AGTPBP1: variants seen among roughly 807,000 people sequenced by gnomAD.
The protein encoded by AGTPBP1 is cytosolic carboxypeptidase 1.
Under a neutral mutation model 143.9 loss-of-function variants are expected in AGTPBP1, and 70 were observed. The observed-to-expected ratio is 0.49, with a 90% CI of 0.40 to 0.59. AGTPBP1 has a LOEUF of 0.59. Among genes scored for constraint, AGTPBP1 ranks in the 20% least tolerant of loss-of-function variants. AGTPBP1 has a pLI of 0.00. For synonymous variants in AGTPBP1, 463 were observed against 500.2 expected, an observed-to-expected ratio of 0.93 and a Z score of 0.99; for missense variants, 1,229 against 1,464.5, an observed-to-expected ratio of 0.84 and a Z score of 2.62.
At chr9:85,677,729 GC>G in intron 5 of AGTPBP1, 147 bp from the exon 6 acceptor site, 1 of 689,422 alleles carries the variant, frequency 1.5e-6, no homozygotes. Flanking sequence ...AAGGCTGGGC[GC>G]AGTAGCTCAC....
At chr9:85,769,274 G>A in the AGTPBP1 span, among the ~76,000 whole-genome samples, 10 of 152,040 alleles carry the variant, frequency 6.6e-5, no homozygotes, top group Admixed American at 1.3e-4. Flanking sequence ...GGAACTTATC[G>A]AGGTGGCCTC....
At chr9:85,650,022 A>G (rs1331062528) in intron 11 of AGTPBP1, among the ~76,000 whole-genome samples, 1 of 142,802 alleles carries the variant, frequency 7.0e-6, no homozygotes, top group Non-Finnish European at 1.5e-5. Flanking sequence ...TTTCAGCATC[A>G]TGCTAGCTTC....
intron 1 of AGTPBP1, among the ~76,000 whole-genome samples, chr9:85,728,913 G>A (rs922651025): frequency 1.5e-4 from 23 of 151,860 alleles, no homozygotes; most frequent in Admixed American, 6.6e-5. Flanking sequence ...TGGTATATTA[G>A]GTGCAAAAGT....
the AGTPBP1 span, among the ~76,000 whole-genome samples, chr9:85,789,664 C>T: frequency 6.6e-6 from 1 of 152,090 alleles, no homozygotes. Context: ...CTCAATTCTT[C>T]GTATCTTCAT....
At chr9:85,773,882 T>C in the AGTPBP1 span, 4 of 1,610,574 alleles carry the variant, frequency 2.5e-6, no homozygotes, top group African/African-American at 4.0e-5. Context: ...AATTATATAA[T>C]GAAGAAATGA....
In AGTPBP1 at chr9:85,728,030, T is replaced by TATATACAC. The variant is rs71505763; in HGVS notation, c.-34+13744_-34+13745insGTGTATAT. Among the ~76,000 whole-genome samples, 140 of 128,426 alleles carry TATATACAC rather than the reference T, an allele frequency of 1.1e-3. 2 individuals are homozygous for TATATACAC. The highest frequency in any genetic ancestry group is 3.9e-3 in the African/African-American group (134 of 34,774). 84.3% of individuals were successfully genotyped at this position (128,426 alleles called of 152,430 possible). A position where few individuals can be genotyped will look rare whatever the true frequency, so the allele number is the denominator to read the frequency against. On this transcript the variant is annotated intron_variant, in intron 1 of 25. Coordinates refer to ENST00000357081, the MANE Select transcript of AGTPBP1 (RefSeq NM_001330701.2). The stretch of plus-strand genomic sequence containing the variant: ...CCGTGTCTCAAAATATATATTTATA[T>TATATACAC]ACACACACACACACACACACACACA...
chr9:85,643,610 G>A lies in AGTPBP1; in HGVS notation c.1186-667C>T, dbSNP rs1433003392. ...GTCACCATTCACTCTGTTTTCAGTG[G>A]GGGAAAAAAGTCAGGAGTGGAACAA... On this transcript the variant is annotated intron_variant, in intron 12 of 25. Transcript: ENST00000357081. Among the ~76,000 whole-genome samples, 3 of 152,070 alleles carry A rather than the reference G, an allele frequency of 2.0e-5. No individual in the cohort carries two copies. The South Asian group carries it at 6.2e-4, about 32-fold the overall frequency.
At position 85,714,080 on chromosome 9, in the gene AGTPBP1, A is replaced by G. The variant is rs147539770; in HGVS notation, c.-33-1514T>C. 2.6e-3 allele frequency among the ~76,000 whole-genome samples: 403 copies of G among 152,358 alleles called. 2 individuals are homozygous for G. The highest frequency in any genetic ancestry group is 6.8e-3 in the African/African-American group (284 of 41,594). On this transcript the variant is annotated intron_variant, in intron 1 of 25. Coordinates refer to ENST00000357081, the MANE Select transcript of AGTPBP1 (RefSeq NM_001330701.2). ...TTGAAAAGAATAATGGTGAGCACTA[A>G]TATCATAGCCAACTGTATTTCAACA...
chr9:85,687,165 A>G (rs1424546710), intron 3 of AGTPBP1, among the ~76,000 whole-genome samples: 5 of 152,208 alleles, frequency 3.3e-5, no homozygotes, highest in Admixed American at 2.6e-4. Context: ...CAATGATGGA[A>G]GAGGCAAACT....
chr9:85,763,266 A>T, the AGTPBP1 span, among the ~76,000 whole-genome samples: 1 of 152,142 alleles, frequency 6.6e-6, no homozygotes, highest in Non-Finnish European at 1.5e-5. Context: ...CCAACTATGA[A>T]AAAGGAAGAC....
chr9:85,557,516 C>G (rs1055147198), intron 25 of AGTPBP1, among the ~76,000 whole-genome samples: 2 of 152,204 alleles, frequency 1.3e-5, no homozygotes, highest in African/African-American at 4.8e-5. Flanking sequence ...TAAGAATTTT[C>G]TATGTAGTAG....
intron 8 of AGTPBP1, among the ~76,000 whole-genome samples, chr9:85,667,188 A>T (rs969718694): frequency 2.6e-5 from 4 of 152,128 alleles, no homozygotes; most frequent in African/African-American, 9.6e-5. Context: ...ATTTCATCAG[A>T]TACTCTGGGA....
At chr9:85,649,554 T>C (rs543268342) in intron 11 of AGTPBP1, among the ~76,000 whole-genome samples, 11 of 152,312 alleles carry the variant, frequency 7.2e-5, no homozygotes, top group African/African-American at 2.6e-4. Context: ...TTTTAACGGT[T>C]AAGACCTTTC....
At chr9:85,652,267 T>C (rs1024727486) in intron 11 of AGTPBP1, among the ~76,000 whole-genome samples, 1 of 152,108 alleles carries the variant, frequency 6.6e-6, no homozygotes, top group Non-Finnish European at 1.5e-5. Context: ...TCCTAGCACT[T>C]TGGGAGGCTG....
the AGTPBP1 span, among the ~76,000 whole-genome samples, chr9:85,798,362 C>CTTTTT: frequency 3.4e-5 from 4 of 119,268 alleles, no homozygotes; most frequent in Non-Finnish European, 7.5e-5. Context: ...CCTCCAAGTT[C>CTTTTT]TTTTTTTTTT....
At chr9:85,756,290 C>T in the AGTPBP1 span, 6 of 1,493,638 alleles carry the variant, frequency 4.0e-6, no homozygotes, top group Non-Finnish European at 5.3e-6. Context: ...GGTTGTAAAC[C>T]ACTCCCCACT....
intron 1 of AGTPBP1, among the ~76,000 whole-genome samples, chr9:85,715,213 T>C (rs1425114478): frequency 1.3e-5 from 2 of 148,910 alleles, no homozygotes; most frequent in Non-Finnish European, 3.0e-5. Flanking sequence ...ACCACTGCAC[T>C]CCAGCCCGGG....
At chr9:85,757,571 C>G in the AGTPBP1 span, among the ~76,000 whole-genome samples, 4 of 152,164 alleles carry the variant, frequency 2.6e-5, no homozygotes, top group Admixed American at 2.6e-4. Context: ...TTGCAAGTAC[C>G]TAGAGAGACA....
chr9:85,608,209 A>T (rs1830101699), intron 17 of AGTPBP1, among the ~76,000 whole-genome samples: 1 of 152,106 alleles, frequency 6.6e-6, no homozygotes, highest in African/African-American at 2.4e-5. Context: ...AAAAATATTT[A>T]ATGAGAAAAA....
Sources: allele counts gnomAD v4.1 joint callset (sites outside exome capture counted in the v4.1 genomes callset), GRCh38; gene constraint gnomAD v4.1.1; transcripts MANE v1.5; gene names NCBI Gene and HGNC (gene_info 2026-07-23, HGNC 2026-07-21).